The following BMAL1 variants were observed in gnomAD, a reference collection of about 807,000 sequenced individuals.
The protein encoded by BMAL1 is basic helix-loop-helix ARNT like 1, also known as basic helix-loop-helix ARNT-like protein 1.
At chr11:13,367,778 C>A in the BMAL1 span, among the ~76,000 whole-genome samples, 2 of 151,030 alleles carry the variant, frequency 1.3e-5, no homozygotes, top group South Asian at 2.1e-4. Flanking sequence ...CCACCATTCA[C>A]TAGCTGTGTG....
chr11:13,377,504 T>C, the BMAL1 span, among the ~76,000 whole-genome samples: 2 of 152,192 alleles, frequency 1.3e-5, no homozygotes, highest in East Asian at 1.9e-4. Flanking sequence ...GCCTGGATTA[T>C]TGCAAATCAC....
chr11:13,348,350 G>C, the BMAL1 span, among the ~76,000 whole-genome samples: 6 of 152,330 alleles, frequency 3.9e-5, no homozygotes, highest in African/African-American at 1.4e-4. Context: ...TTGTTTGGAA[G>C]ACTTAGGGGG....
chr11:13,357,842 G>A, the BMAL1 span, among the ~76,000 whole-genome samples: 3 of 152,202 alleles, frequency 2.0e-5, no homozygotes, highest in Non-Finnish European at 2.9e-5. The surrounding 1 kb of genome is among the most constrained non-coding windows in gnomAD (Gnocchi z 4.8). Flanking sequence ...CTGCCTCAGC[G>A]GGAGGAGTGT....
At chr11:13,323,294 C>T in the BMAL1 span, among the ~76,000 whole-genome samples, 1 of 152,178 alleles carries the variant, frequency 6.6e-6, no homozygotes, top group South Asian at 2.1e-4. Context: ...TATTGGCAAG[C>T]CCCAAATCTT....
At chr11:13,372,711 G>T in the BMAL1 span, among the ~76,000 whole-genome samples, 1 of 152,152 alleles carries the variant, frequency 6.6e-6, no homozygotes, top group Admixed American at 6.5e-5. Context: ...TCTGGAGGCT[G>T]AAGCAGGAGG....
At chr11:13,296,884 C>T in the BMAL1 span, among the ~76,000 whole-genome samples, 97,561 of 151,974 alleles carry the variant, frequency 0.64, 31,836 homozygotes, top group Non-Finnish European at 0.71. Context: ...ATCTTGCGCT[C>T]GTGGCTCTGT....
the BMAL1 span, among the ~76,000 whole-genome samples, chr11:13,332,722 G>A: frequency 6.6e-6 from 1 of 152,076 alleles, no homozygotes; most frequent in Admixed American, 6.6e-5. Context: ...AACTTTTCCT[G>A]TGTGTGACTC....
At chr11:13,306,410 G>C in the BMAL1 span, among the ~76,000 whole-genome samples, 2 of 152,236 alleles carry the variant, frequency 1.3e-5, no homozygotes, top group African/African-American at 4.8e-5. Flanking sequence ...AAGGAGACCA[G>C]GTTGGTCTGA....
At chr11:13,302,876 C>T in the BMAL1 span, among the ~76,000 whole-genome samples, 4,896 of 152,230 alleles carry the variant, frequency 0.032, 248 homozygotes, top group African/African-American at 0.11. Context: ...TGATTTCTTC[C>T]GGAAGAGTTT....
At chr11:13,385,767 T>C in the BMAL1 span, 2 of 1,612,862 alleles carry the variant, frequency 1.2e-6, no homozygotes, top group Non-Finnish European at 1.7e-6. Context: ...AGGTTATCCA[T>C]ATTCTGATAG....
chr11:13,378,441 C>T, the BMAL1 span: 6 of 1,611,054 alleles, frequency 3.7e-6, no homozygotes, highest in Non-Finnish European at 5.1e-6. Context: ...CATGGAAATC[C>T]ACAGGCAAGT....
chr11:13,356,868 G>C, the BMAL1 span: 1 of 1,604,918 alleles, frequency 6.2e-7, no homozygotes. Context: ...CAGCACCCAT[G>C]TCCTCAACTG....
the BMAL1 span, among the ~76,000 whole-genome samples, chr11:13,297,299 G>A: frequency 1.3e-5 from 2 of 152,238 alleles, no homozygotes; most frequent in African/African-American, 4.8e-5. Context: ...CAAGCCTGGA[G>A]AAGGCTGTAG....
At chr11:13,379,157 TC>T in the BMAL1 span, 1 of 152,230 alleles carries the variant, frequency 6.6e-6, no homozygotes, top group Non-Finnish European at 1.5e-5. Context: ...TCAGGAAAGT[TC>T]CAGGAACACA....
At chr11:13,356,298 A>G in the BMAL1 span, 1 of 459,852 alleles carries the variant, frequency 2.2e-6, no homozygotes, top group Admixed American at 2.3e-5. Context: ...TTCCCTGCCA[A>G]ATAGATATGT....
At chr11:13,315,747 C>T in the BMAL1 span, among the ~76,000 whole-genome samples, 4 of 152,310 alleles carry the variant, frequency 2.6e-5, no homozygotes, top group Non-Finnish European at 5.9e-5. Flanking sequence ...TTTTGAGCCC[C>T]AGGATGGCAG....
At chr11:13,314,825 T>A in the BMAL1 span, among the ~76,000 whole-genome samples, 1 of 152,260 alleles carries the variant, frequency 6.6e-6, no homozygotes, top group African/African-American at 2.4e-5. Flanking sequence ...CCTCTTTGTC[T>A]TCATTTTAAA....
chr11:13,287,872 A>T, the BMAL1 span, among the ~76,000 whole-genome samples: 1 of 152,366 alleles, frequency 6.6e-6, no homozygotes, highest in East Asian at 1.9e-4. Context: ...CAGTCAACAA[A>T]TATCTGTGAG....
chr11:13,379,313 TAAG>T, the BMAL1 span: 2 of 152,106 alleles, frequency 1.3e-5, 1 homozygote, highest in Non-Finnish European at 2.9e-5. Context: ...TAATGTAACA[TAAG>T]AAAAGGAAGA....
Sources: gnomAD v4.1 joint callset for allele counts (sites outside exome capture counted in the v4.1 genomes callset) on GRCh38, gnomAD v4.1.1 for gene constraint, Gnocchi (gnomAD v3.1) non-coding constraint, MANE v1.5 for transcripts, NCBI Gene and HGNC (gene_info 2026-07-23, HGNC 2026-07-21) for gene names.